Variants in KAZN observed in about 807,000 individuals in gnomAD.
KAZN encodes the protein kazrin.
In KAZN, 40 loss-of-function variants were observed where a neutral mutation model predicts 87.4. That is an observed-to-expected ratio of 0.46 (90% confidence interval 0.36 to 0.60). The LOEUF (loss-of-function observed/expected upper bound fraction) is 0.60, where lower values mean the gene tolerates loss of function less well. Ranked by LOEUF, KAZN falls within the 20% of genes least tolerant of loss-of-function variation. The pLI is 0.00. For missense variants in KAZN, 898 were observed against 1,073.9 expected (o/e 0.84, Z 2.29); for synonymous variants, 466 against 458.3 (o/e 1.02, Z -0.22).
intron 2 of KAZN, among the ~76,000 whole-genome samples, chr1:14,448,620 CCAA>C (rs1667108855): frequency 6.6e-6 from 1 of 152,194 alleles, no homozygotes; most frequent in Non-Finnish European, 1.5e-5. Flanking sequence ...TTAGGGATTC[CCAA>C]CAACTCTTGA....
chr1:14,315,629 T>C (rs903622872), intron 2 of KAZN, among the ~76,000 whole-genome samples: 1 of 152,102 alleles, frequency 6.6e-6, no homozygotes, highest in African/African-American at 2.4e-5. Context: ...TTTGTTAGAA[T>C]TTCATATAAA....
chr1:14,239,645 A>G (rs1055841410), intron 2 of KAZN, among the ~76,000 whole-genome samples: 1 of 151,588 alleles, frequency 6.6e-6, no homozygotes, highest in Non-Finnish European at 1.5e-5. Flanking sequence ...TTTTTAGTAG[A>G]GACAGGGTTT....
At chr1:14,472,572 T>A (rs531555502) in intron 2 of KAZN, among the ~76,000 whole-genome samples, 43 of 152,142 alleles carry the variant, frequency 2.8e-4, no homozygotes, top group African/African-American at 1.0e-3. Flanking sequence ...AAAGTGTTAT[T>A]CCACACATAC....
At chr1:14,816,774 A>T (rs910539408) in intron 1 of KAZN, among the ~76,000 whole-genome samples, 11 of 152,326 alleles carry the variant, frequency 7.2e-5, no homozygotes, top group Admixed American at 6.5e-4. Context: ...AAATACATAC[A>T]TATATTTATC....
intron 1 of KAZN, among the ~76,000 whole-genome samples, chr1:14,938,127 T>G (rs575225086): frequency 6.6e-6 from 1 of 152,262 alleles, no homozygotes; most frequent in African/African-American, 2.4e-5. Flanking sequence ...GTGCAAATTG[T>G]TCCAACAGTG....
At chr1:15,110,422 T>A (rs559075247) in intron 13 of KAZN, among the ~76,000 whole-genome samples, 1 of 128,688 alleles carries the variant, frequency 7.8e-6, no homozygotes, top group African/African-American at 2.7e-5. Context: ...TGTGTGCGCA[T>A]ATGTGTTCAT....
At chr1:14,891,193 G>T (rs113114377) in intron 1 of KAZN, among the ~76,000 whole-genome samples, 9 of 151,988 alleles carry the variant, frequency 5.9e-5, no homozygotes, top group Non-Finnish European at 1.0e-4. Flanking sequence ...TTTGGGGAAC[G>T]GGCGGTGTCT....
chr1:14,218,335 C>T (rs1192213724), intron 2 of KAZN, among the ~76,000 whole-genome samples: 1 of 152,034 alleles, frequency 6.6e-6, no homozygotes, highest in East Asian at 1.9e-4. Flanking sequence ...ACTGAAAAGG[C>T]TTAGAAAGAG....
At chr1:13,925,748 G>A (rs983723876) in intron 1 of KAZN, among the ~76,000 whole-genome samples, 10 of 152,326 alleles carry the variant, frequency 6.6e-5, no homozygotes, top group Non-Finnish European at 1.0e-4. Context: ...CTGGCCAGCG[G>A]TTGAAAATGG....
At chr1:13,912,028 A>G (rs1639670316) in intron 1 of KAZN, among the ~76,000 whole-genome samples, 2 of 152,190 alleles carry the variant, frequency 1.3e-5, no homozygotes, top group Admixed American at 1.3e-4. Context: ...TTTTATGTGA[A>G]GTGGAGATGG....
chr1:14,817,683 A>C (rs1003619579), intron 1 of KAZN, among the ~76,000 whole-genome samples: 1 of 152,162 alleles, frequency 6.6e-6, no homozygotes, highest in Non-Finnish European at 1.5e-5. Flanking sequence ...TTAAAAGTAC[A>C]TATAACAGCC....
chr1:14,294,490 C>G (rs1315318994), intron 2 of KAZN, among the ~76,000 whole-genome samples: 7 of 151,892 alleles, frequency 4.6e-5, no homozygotes, highest in Non-Finnish European at 8.8e-5. Flanking sequence ...TACTGTTCTC[C>G]CATTTAACAG....
intron 10 of KAZN, among the ~76,000 whole-genome samples, chr1:15,095,945 C>A (rs1179408598): frequency 6.6e-6 from 1 of 152,124 alleles, no homozygotes; most frequent in African/African-American, 2.4e-5. Context: ...CAAGAAGGTG[C>A]CAGGCCTCAT....
Position 14,606,013 on chromosome 1 carries a change from G to A in KAZN, c.226+6790G>A, listed in dbSNP as rs1049024441. 3.9e-5 allele frequency among the ~76,000 whole-genome samples: 6 copies of A among 152,168 alleles called. No individual in the cohort carries two copies. In the East Asian group the frequency reaches 5.8e-4, roughly 15 times the overall value. On this transcript the variant is annotated intron_variant, in intron 1 of 14. Transcript: ENST00000376030. Reference sequence around the variant, plus strand: ...GACTTATTGGGCAGGTACCATGCTCGTACCCATTTTCCATAGGAGAAAACT... The same window carrying A: ...GACTTATTGGGCAGGTACCATGCTCATACCCATTTTCCATAGGAGAAAACT...
chr1:14,388,284 T>C (rs1662122551), intron 2 of KAZN, among the ~76,000 whole-genome samples: 1 of 152,174 alleles, frequency 6.6e-6, no homozygotes, highest in African/African-American at 2.4e-5. Context: ...TCTGCATTGC[T>C]CACGCTGGGA....
intron 2 of KAZN, among the ~76,000 whole-genome samples, chr1:14,449,054 C>T (rs4450012): frequency 0.076 from 11,509 of 152,226 alleles, 612 homozygotes; most frequent in Middle Eastern, 0.17. Flanking sequence ...ACATGGTCCA[C>T]GACAATGTTG....
chr1:14,657,105 AG>A (rs1416393662), intron 1 of KAZN, among the ~76,000 whole-genome samples: 2 of 121,614 alleles, frequency 1.6e-5, no homozygotes, highest in South Asian at 5.3e-4. Context: ...TTTTTGAGAC[AG>A]AGTTTCACTC....
chr1:14,997,846 G>A (rs1668053064), intron 2 of KAZN, among the ~76,000 whole-genome samples: 2 of 152,264 alleles, frequency 1.3e-5, no homozygotes, highest in Middle Eastern at 6.8e-3. Flanking sequence ...CCTCAGCTCC[G>A]CTACTTAGTT....
At position 13,978,102 on chromosome 1, in the gene KAZN, CG is replaced by C. The variant is rs1420646365; in HGVS notation, c.91+84349del. ...GAGATCGTGCCACTGCACTCCAGCCCGGGTGACAGAGCAAGACTCCATCTCA... is the reference window on the plus strand; with the variant it reads ...GAGATCGTGCCACTGCACTCCAGCCCGGTGACAGAGCAAGACTCCATCTCA... On this transcript the variant is annotated intron_variant, in intron 1 of 16. Coordinates refer to the KAZN transcript ENST00000636203. Among the ~76,000 whole-genome samples the C allele has an allele frequency of 1.5e-4, 17 of 111,586 alleles. No individual in the cohort carries two copies. In the Admixed American group the frequency reaches 2.3e-3, roughly 15 times the overall value. 73.2% of individuals were successfully genotyped at this position (111,586 alleles called of 152,430 possible). A position where few individuals can be genotyped will look rare whatever the true frequency, so the allele number is the denominator to read the frequency against.
Sources: allele counts gnomAD v4.1 joint callset (sites outside exome capture counted in the v4.1 genomes callset), GRCh38; gene constraint gnomAD v4.1.1; transcripts MANE v1.5; gene names NCBI Gene and HGNC (gene_info 2026-07-23, HGNC 2026-07-21).